The following PKIG variants were observed in gnomAD, a reference collection of about 807,000 sequenced individuals.
PKIG encodes protein kinase (cAMP-dependent, catalytic) inhibitor gamma.
In PKIG, 1 loss-of-function variant was observed where a neutral mutation model predicts 6.8. The ratio of observed to expected loss-of-function variants is 0.15; its 90% CI spans 0.05 to 0.69. The LOEUF is 0.69. Ranked by LOEUF, PKIG falls within the 30% of genes least tolerant of loss-of-function variation. The pLI, the probability that PKIG is intolerant of heterozygous loss-of-function variation, is 0.82. For missense variants in PKIG, 77 were observed against 104.0 expected, an observed-to-expected ratio of 0.74 and a Z score of 1.13; for synonymous variants, 39 against 43.0, an observed-to-expected ratio of 0.91 and a Z score of 0.36.
At chr20:44,616,393 T>C (rs1204423307) in intron 3 of PKIG, among the ~76,000 whole-genome samples, 1 of 152,172 alleles carries the variant, frequency 6.6e-6, no homozygotes, top group Non-Finnish European at 1.5e-5. Flanking sequence ...TGGCTGTTCA[T>C]TGACCGACTG....
intron 2 of PKIG, among the ~76,000 whole-genome samples, chr20:44,604,415 T>C (rs570874235): frequency 6.6e-6 from 1 of 152,282 alleles, no homozygotes; most frequent in Admixed American, 6.5e-5. Flanking sequence ...GGGATCGACA[T>C]TGAAATGAAT....
chr20:44,610,500 T>TCTCTCACACACACACA (rs1555841182), intron 2 of PKIG, among the ~76,000 whole-genome samples: 2 of 135,420 alleles, frequency 1.5e-5, no homozygotes, highest in Non-Finnish European at 3.1e-5. Context: ...TCTCTCTCTC[T>TCTCTCACACACACACA]CACACACACA....
upstream of PKIG, among the ~76,000 whole-genome samples, chr20:44,578,220 A>G (rs980082213): frequency 1.3e-5 from 2 of 150,764 alleles, no homozygotes; most frequent in African/African-American, 2.4e-5. Context: ...GGGCGCCTGT[A>G]GTCCCAGTTA....
chr20:44,604,456 G>A (rs1414826952), intron 2 of PKIG, among the ~76,000 whole-genome samples: 2 of 152,220 alleles, frequency 1.3e-5, no homozygotes, highest in South Asian at 2.1e-4. Flanking sequence ...AGAACGAGAC[G>A]TGTAGAACAA....
At chr20:44,532,857 G>C (rs1032871634) in intron 1 of PKIG, among the ~76,000 whole-genome samples, 1 of 152,164 alleles carries the variant, frequency 6.6e-6, no homozygotes, top group Non-Finnish European at 1.5e-5. Flanking sequence ...CTTGGGGAGA[G>C]AGTGCAGACT....
intron 1 of PKIG, among the ~76,000 whole-genome samples, chr20:44,567,496 T>G (rs767546301): frequency 1.3e-5 from 2 of 152,260 alleles, no homozygotes; most frequent in Non-Finnish European, 2.9e-5. Context: ...GCTATCTACT[T>G]TGCTCCTTTC....
chr20:44,551,210 C>T (rs1314756271), intron 1 of PKIG, among the ~76,000 whole-genome samples: 2 of 152,086 alleles, frequency 1.3e-5, no homozygotes, highest in East Asian at 1.9e-4. Flanking sequence ...CACGCCGCCA[C>T]GCCTGGCTAA....
chr20:44,555,032 T>G (rs901360058), intron 1 of PKIG, among the ~76,000 whole-genome samples: 1 of 152,238 alleles, frequency 6.6e-6, no homozygotes, highest in Non-Finnish European at 1.5e-5. Flanking sequence ...CCTATTTTAA[T>G]ATCTGTTTTA....
At chr20:44,592,741 A>G (rs1009171067) in intron 2 of PKIG, among the ~76,000 whole-genome samples, 8 of 152,204 alleles carry the variant, frequency 5.3e-5, no homozygotes, top group African/African-American at 1.9e-4. Flanking sequence ...GCCAGTGGAG[A>G]GAGTAAAAAG....
chr20:44,601,755 G>T (rs2065123048), intron 2 of PKIG, among the ~76,000 whole-genome samples: 5 of 151,996 alleles, frequency 3.3e-5, no homozygotes, highest in Admixed American at 3.3e-4. Context: ...TATGGTTTCT[G>T]CAAATACTGA....
chr20:44,537,074 C>T (rs915551831), intron 1 of PKIG, among the ~76,000 whole-genome samples: 1 of 152,108 alleles, frequency 6.6e-6, no homozygotes, highest in African/African-American at 2.4e-5. Flanking sequence ...GGATTACAAG[C>T]ACTTGCCATT....
intron 1 of PKIG, among the ~76,000 whole-genome samples, chr20:44,539,852 C>T (rs955364855): frequency 6.6e-6 from 1 of 152,182 alleles, no homozygotes; most frequent in Non-Finnish European, 1.5e-5. Flanking sequence ...ATAGCCATTT[C>T]TCCTCTTCTT....
chr20:44,558,711 T>C (rs551667438), intron 1 of PKIG, among the ~76,000 whole-genome samples: 2 of 151,206 alleles, frequency 1.3e-5, no homozygotes, highest in Admixed American at 1.3e-4. Flanking sequence ...TCTCTTTCTT[T>C]CTTCCCTTCT....
At chr20:44,607,299 T>C (rs1403595681) in intron 2 of PKIG, among the ~76,000 whole-genome samples, 3 of 151,678 alleles carry the variant, frequency 2.0e-5, no homozygotes, top group Admixed American at 6.6e-5. Flanking sequence ...CAGAGTGATC[T>C]ACAGTTGTTT....
At chr20:44,551,123 T>G (rs913719358) in intron 1 of PKIG, among the ~76,000 whole-genome samples, 15 of 152,104 alleles carry the variant, frequency 9.9e-5, no homozygotes, top group Non-Finnish European at 2.2e-4. Context: ...AGTGCAGTGA[T>G]GCTCACTGCA....
intron 1 of PKIG, among the ~76,000 whole-genome samples, chr20:44,570,742 AAATG>A (rs1178041160): frequency 6.6e-6 from 1 of 152,236 alleles, no homozygotes; most frequent in Non-Finnish European, 1.5e-5. Context: ...GGCAGTAAAG[AAATG>A]AATGAACAAC....
chr20:44,539,427 T>G (rs1438503209), intron 1 of PKIG, among the ~76,000 whole-genome samples: 6 of 151,936 alleles, frequency 3.9e-5, no homozygotes, highest in African/African-American at 1.5e-4. Flanking sequence ...TTCTTTGTTT[T>G]TTTTTTTTTT....
chr20:44,614,501 T>TTAC lies in PKIG; in HGVS notation c.-23-32_-23-30dup. 3.2e-6 allele frequency: 5 copies of TTAC among 1,562,296 alleles called. No homozygotes were observed. The highest frequency in any genetic ancestry group is 4.4e-6 in the Non-Finnish European group (5 of 1,138,326). ...TCCTCTCTGCAGAATGCATCTGGAC[T>TTAC]TACCTCTGCCCCCTTGCCTTCTGTC... On this transcript the variant is annotated intron_variant, in intron 2 of 3. Coordinates refer to ENST00000372886, the MANE Select transcript of PKIG (RefSeq NM_001281445.2). This position sits in a 1 kb window ranked among gnomAD's most constrained non-coding sequence, Gnocchi z 4.6.
At chr20:44,576,235 C>A (rs551978409) in intron 1 of PKIG, among the ~76,000 whole-genome samples, 34 of 150,812 alleles carry the variant, frequency 2.3e-4, no homozygotes, top group Admixed American at 1.1e-3. Context: ...TATTTTATGC[C>A]AGGCACTCTT....
Sources: gnomAD v4.1 joint callset for allele counts (sites outside exome capture counted in the v4.1 genomes callset) on GRCh38, gnomAD v4.1.1 for gene constraint, Gnocchi (gnomAD v3.1) non-coding constraint, MANE v1.5 for transcripts, NCBI Gene and HGNC (gene_info 2026-07-23, HGNC 2026-07-21) for gene names.